MDGA2: variants seen among roughly 807,000 people sequenced by gnomAD.
MDGA2 encodes MAM domain containing glycosylphosphatidylinositol anchor 2.
MDGA2 carries 40 observed loss-of-function variants against 117.8 expected under a neutral mutation model. That is an observed-to-expected ratio of 0.34 (90% confidence interval 0.26 to 0.44). The LOEUF is 0.44. MDGA2 is among the 20% of genes least tolerant of loss of function. MDGA2 has a pLI of 1.00. For missense variants in MDGA2, 1,123 were observed against 1,250.6 expected (o/e 0.90, Z 1.54); for synonymous variants, 452 against 439.0 (o/e 1.03, Z -0.37).
chr14:46,873,951 C>T lies in MDGA2; in HGVS notation c.2593+94G>A. 5 of 1,076,688 alleles carry T rather than the reference C, an allele frequency of 4.6e-6. No individual in the cohort carries two copies. The East Asian group carries it at 1.4e-4, about 30-fold the overall frequency. The allele number at this position is 1,076,688 out of a possible 1,614,324, so 66.7% of individuals were successfully genotyped here. On this transcript the variant is annotated intron_variant, in intron 13 of 16. Transcript: ENST00000399232. ...AAAATTTAATATTTTATTCCATAATCTTCAAATATATGGCTAAATATTAGT... is the reference window on the plus strand; with the variant it reads ...AAAATTTAATATTTTATTCCATAATTTTCAAATATATGGCTAAATATTAGT...
intron 10 of MDGA2, among the ~76,000 whole-genome samples, chr14:46,917,683 T>C (rs1012735931): frequency 6.6e-6 from 1 of 152,146 alleles, no homozygotes; most frequent in Non-Finnish European, 1.5e-5. Context: ...AAAGGAACAA[T>C]ACAATGACTG....
chr14:47,489,992 T>TCTAA (rs1235967728), intron 1 of MDGA2, among the ~76,000 whole-genome samples: 1 of 152,086 alleles, frequency 6.6e-6, no homozygotes, highest in African/African-American at 2.4e-5. Context: ...TCTACAGGAT[T>TCTAA]CTAACAAAGA....
At chr14:46,928,366 G>A (rs1884411169) in intron 9 of MDGA2, among the ~76,000 whole-genome samples, 2 of 151,952 alleles carry the variant, frequency 1.3e-5, no homozygotes, top group Non-Finnish European at 1.5e-5. Flanking sequence ...TGGAATTTAT[G>A]GCTGAATTCA....
chr14:47,208,061 AAAAAT>A (rs1288549623), intron 3 of MDGA2, among the ~76,000 whole-genome samples: 2 of 152,056 alleles, frequency 1.3e-5, no homozygotes, highest in Non-Finnish European at 2.9e-5. Context: ...GTCAAAGGGA[AAAAAT>A]AAAATAAACT....
At chr14:47,155,864 T>C (rs922633972) in intron 3 of MDGA2, among the ~76,000 whole-genome samples, 1 of 148,688 alleles carries the variant, frequency 6.7e-6, no homozygotes, top group Admixed American at 6.7e-5. Context: ...TTTTTTACAA[T>C]TCTTTTCTTT....
chr14:47,176,297 C>A (rs2139348139), intron 3 of MDGA2, among the ~76,000 whole-genome samples: 1 of 152,282 alleles, frequency 6.6e-6, no homozygotes. Context: ...ATGAAAAAAA[C>A]TACTTTAAAG....
At chr14:46,943,471 G>A (rs1257625331) in intron 9 of MDGA2, among the ~76,000 whole-genome samples, 1 of 151,850 alleles carries the variant, frequency 6.6e-6, no homozygotes, top group African/African-American at 2.4e-5. Flanking sequence ...TCCTTCATCT[G>A]TTACTTGGTG....
At chr14:47,364,633 C>A (rs990234889) in intron 1 of MDGA2, among the ~76,000 whole-genome samples, 4 of 152,304 alleles carry the variant, frequency 2.6e-5, no homozygotes, top group Non-Finnish European at 4.4e-5. Flanking sequence ...CAAATAAAGT[C>A]TTTTCTTTAA....
At chr14:46,953,751 A>G (rs1885455029) in intron 9 of MDGA2, among the ~76,000 whole-genome samples, 1 of 152,076 alleles carries the variant, frequency 6.6e-6, no homozygotes, top group Admixed American at 6.6e-5. Context: ...TAGTGGGAAC[A>G]TAATTAGAAT....
intron 1 of MDGA2, among the ~76,000 whole-genome samples, chr14:47,336,989 G>A (rs540740376): frequency 2.2e-4 from 34 of 152,000 alleles, no homozygotes; most frequent in African/African-American, 7.2e-4. Flanking sequence ...TCATGCCAAT[G>A]TGGAAAACAT....
chr14:47,650,096 A>C (rs528732600), intron 1 of MDGA2, among the ~76,000 whole-genome samples: 6 of 152,284 alleles, frequency 3.9e-5, no homozygotes, highest in African/African-American at 1.4e-4. Flanking sequence ...GAAGGCCTGA[A>C]AAGAACAAAA....
intron 5 of MDGA2, among the ~76,000 whole-genome samples, chr14:47,127,289 T>C (rs1881954356): frequency 6.6e-6 from 1 of 152,154 alleles, no homozygotes; most frequent in Non-Finnish European, 1.5e-5. Context: ...CCTCTTCCAC[T>C]ATTAAAAGAG....
intron 1 of MDGA2, among the ~76,000 whole-genome samples, chr14:47,627,413 G>A (rs756146684): frequency 1.4e-4 from 22 of 152,040 alleles, no homozygotes; most frequent in Admixed American, 1.4e-3. Context: ...CTAAGGGATT[G>A]TGAATGCACC....
intron 2 of MDGA2, among the ~76,000 whole-genome samples, chr14:47,243,249 T>C (rs1272502091): frequency 6.6e-6 from 1 of 151,362 alleles, no homozygotes; most frequent in Non-Finnish European, 1.5e-5. Flanking sequence ...CTGGTGGGGA[T>C]GTGGAGAACC....
At chr14:47,140,184 G>A (rs965809856) in intron 4 of MDGA2, among the ~76,000 whole-genome samples, 13 of 151,640 alleles carry the variant, frequency 8.6e-5, no homozygotes, top group African/African-American at 3.1e-4. Context: ...AAACTGAAGA[G>A]GATACAATTA....
chr14:47,556,871 C>T (rs1160103628), intron 1 of MDGA2, among the ~76,000 whole-genome samples: 1 of 152,082 alleles, frequency 6.6e-6, no homozygotes, highest in Non-Finnish European at 1.5e-5. Flanking sequence ...TGATTATTTG[C>T]TAAAATTTCT....
chr14:47,485,910 G>T (rs530758228), intron 1 of MDGA2, among the ~76,000 whole-genome samples: 1 of 152,204 alleles, frequency 6.6e-6, no homozygotes, highest in African/African-American at 2.4e-5. Context: ...GAAGTTTGCT[G>T]CAGGGGCAGG....
At chr14:47,103,966 G>A (rs1014326288) in intron 5 of MDGA2, among the ~76,000 whole-genome samples, 2 of 152,114 alleles carry the variant, frequency 1.3e-5, no homozygotes, top group Non-Finnish European at 2.9e-5. Flanking sequence ...CCTGCTGTCA[G>A]AAGTTTACAA....
chr14:47,020,816 T>C (rs1888259191), intron 8 of MDGA2, among the ~76,000 whole-genome samples: 1 of 152,050 alleles, frequency 6.6e-6, no homozygotes, highest in Non-Finnish European at 1.5e-5. Context: ...AATTAGTTTT[T>C]CTCACTCGAA....
Sources: allele counts gnomAD v4.1 joint callset (sites outside exome capture counted in the v4.1 genomes callset), GRCh38; gene constraint gnomAD v4.1.1; transcripts MANE v1.5; gene names NCBI Gene and HGNC (gene_info 2026-07-23, HGNC 2026-07-21).